Variants in TTC27 observed in about 807,000 individuals in gnomAD.
The protein encoded by TTC27 is tetratricopeptide repeat protein 27.
Under a neutral mutation model 115.9 loss-of-function variants are expected in TTC27, and 79 were observed. That is an observed-to-expected ratio of 0.68 (90% CI 0.57 to 0.82). The LOEUF is 0.82. TTC27 is among the 40% of genes least tolerant of loss of function. The pLI is 0.00. For synonymous variants in TTC27, 401 were observed against 356.0 expected (o/e 1.13, Z -1.42); for missense variants, 1,054 against 993.1 (o/e 1.06, Z -0.82).
At chr2:32,652,746 G>C (rs1665176562) in intron 5 of TTC27, among the ~76,000 whole-genome samples, 1 of 152,030 alleles carries the variant, frequency 6.6e-6, no homozygotes, top group African/African-American at 2.4e-5. Context: ...TTTTGTTCTG[G>C]GATTTGATCC....
At chr2:32,732,531 A>G (rs1483884312) in intron 10 of TTC27, among the ~76,000 whole-genome samples, 1 of 152,194 alleles carries the variant, frequency 6.6e-6, no homozygotes, top group East Asian at 1.9e-4. Context: ...GATTTTTACC[A>G]GGACATGGTA....
chr2:32,680,358 C>T lies in TTC27; in HGVS notation c.1119+1436C>T, dbSNP rs568060515. ...TAATATATACGGGTATTGTACTAGT[C>T]ATTGGGGATTTAGCAGTAAATAAAG... On this transcript the variant is annotated intron_variant, in intron 9 of 19. Coordinates refer to ENST00000317907, the MANE Select transcript of TTC27 (RefSeq NM_017735.5). 2.0e-5 allele frequency among the ~76,000 whole-genome samples: 3 copies of T among 152,198 alleles called. No homozygotes were observed. The East Asian group carries it at 5.8e-4, about 29-fold the overall frequency.
chr2:32,758,161 A>T, intron 12 of TTC27, 131 bp from the exon 13 acceptor site: 1 of 761,832 alleles, frequency 1.3e-6, no homozygotes, highest in Non-Finnish European at 2.1e-6. Context: ...TGTCCTTGAT[A>T]GGTCAAATAA....
intron 7 of TTC27, among the ~76,000 whole-genome samples, chr2:32,669,197 G>A (rs973598189): frequency 6.6e-6 from 1 of 152,162 alleles, no homozygotes; most frequent in Admixed American, 6.5e-5. Context: ...TCACCGTGTT[G>A]CCCAGGCTGG....
chr2:32,649,544 CA>C (rs1186013835), intron 4 of TTC27, among the ~76,000 whole-genome samples: 3 of 149,798 alleles, frequency 2.0e-5, no homozygotes, highest in Non-Finnish European at 1.5e-5. Flanking sequence ...ATGAATACAA[CA>C]TTTTTTTTTT....
Position 32,685,015 on chromosome 2 carries a change from CT to C in TTC27, c.1119+6115del, listed in dbSNP as rs70938361. Among the ~76,000 whole-genome samples the C allele has an allele frequency of 8.0e-3, 928 of 116,312 alleles. 3 individuals carry two copies. Among genetic ancestry groups the C allele is most frequent in the Middle Eastern group, 0.019 (4 of 210 alleles). The allele number at this position is 116,312 out of a possible 152,430, so 76.3% of individuals were successfully genotyped here. On this transcript the variant is annotated intron_variant, in intron 9 of 19. Transcript: ENST00000317907. Reference sequence around the variant, plus strand: ...ACTAATTGCTCTGCTTTGCCTTTTCCTTTTTTTTTTTTTTTTTTTTTTAATT... The same window carrying C: ...ACTAATTGCTCTGCTTTGCCTTTTCCTTTTTTTTTTTTTTTTTTTTTAATT...
chr2:32,768,909 G>A (rs1476460275), intron 13 of TTC27, among the ~76,000 whole-genome samples: 3 of 152,170 alleles, frequency 2.0e-5, no homozygotes, highest in Non-Finnish European at 2.9e-5. Context: ...TTAGGAGGAA[G>A]GGAAAATATC....
chr2:32,632,408 A>G (rs1176974975), intron 2 of TTC27, among the ~76,000 whole-genome samples: 1 of 152,150 alleles, frequency 6.6e-6, no homozygotes. Flanking sequence ...ATTCACTGAT[A>G]TACCAGATTT....
At chr2:32,701,004 CAACGAGAT>C (rs2151900107) in intron 9 of TTC27, among the ~76,000 whole-genome samples, 1 of 151,410 alleles carries the variant, frequency 6.6e-6, no homozygotes, top group Non-Finnish European at 1.5e-5. Flanking sequence ...TAATGGAGGC[CAACGAGAT>C]AAGGTTATGC....
chr2:32,633,933 C>T lies in TTC27; in HGVS notation c.324C>T (p.Asn108=), dbSNP rs539420286. Residue 108 remains asparagine (N), a synonymous_variant, in exon 3 of 20, where the codon AAC becomes AAT. Transcript: ENST00000317907. The part of the protein sequence containing the change: ...VSSLQLFVQS[N]WTGPPVDLHP... ...GTTTGCAACTTTTTGTTCAGAGCAA[C>T]TGGACGGGGCCCCCTGTTGACTTAC... is the stretch of plus-strand genomic sequence containing the variant. The T allele has an allele frequency of 6.2e-7, 1 of 1,614,028 alleles. No individual in the cohort carries two copies. The highest frequency in any genetic ancestry group is 8.5e-7 in the Non-Finnish European group (1 of 1,179,970).
intron 4 of TTC27, among the ~76,000 whole-genome samples, chr2:32,641,372 A>G (rs759157705): frequency 1.2e-4 from 19 of 152,188 alleles, no homozygotes; most frequent in Non-Finnish European, 2.2e-4. Context: ...AATGGACATG[A>G]CTGTCTTCCA....
intron 4 of TTC27, among the ~76,000 whole-genome samples, chr2:32,648,447 T>TC (rs1271196197): frequency 6.6e-6 from 1 of 150,642 alleles, no homozygotes; most frequent in East Asian, 1.9e-4. Flanking sequence ...TTTTTTTTTT[T>TC]TTTTTTTTTT....
At chr2:32,812,467 C>A in intron 17 of TTC27, 37 bp from the exon 18 acceptor site, 1 of 1,444,678 alleles carries the variant, frequency 6.9e-7, no homozygotes, top group South Asian at 1.2e-5. Context: ...GTGAATTCTA[C>A]TTGTTATTCT....
At chr2:32,782,044 A>C (rs557238731) in intron 14 of TTC27, among the ~76,000 whole-genome samples, 3 of 152,332 alleles carry the variant, frequency 2.0e-5, no homozygotes, top group South Asian at 2.1e-4. Flanking sequence ...AACAAAGAGA[A>C]ATAGATAATT....
At chr2:32,645,556 A>G (rs1365153912) in intron 4 of TTC27, among the ~76,000 whole-genome samples, 1 of 151,760 alleles carries the variant, frequency 6.6e-6, no homozygotes, top group African/African-American at 2.4e-5. Flanking sequence ...TTAAAATTGT[A>G]TTATTATTAT....
At chr2:32,719,782 G>A (rs1023783969) in intron 10 of TTC27, among the ~76,000 whole-genome samples, 1 of 152,062 alleles carries the variant, frequency 6.6e-6, no homozygotes, top group Non-Finnish European at 1.5e-5. Context: ...AGACATCCAG[G>A]GACAGAGGAT....
At chr2:32,664,560 T>C in intron 6 of TTC27, 93 bp downstream of exon 6, 1 of 1,101,432 alleles carries the variant, frequency 9.1e-7, no homozygotes. Flanking sequence ...TTAGATTTTC[T>C]ATATCCTATT....
intron 16 of TTC27, among the ~76,000 whole-genome samples, chr2:32,800,669 T>C (rs1299298735): frequency 6.6e-6 from 1 of 151,944 alleles, no homozygotes; most frequent in Non-Finnish European, 1.5e-5. Context: ...AGCTAATTTT[T>C]GTATTTTTTT....
intron 9 of TTC27, among the ~76,000 whole-genome samples, chr2:32,685,015 CTTT>C (rs70938361): frequency 5.2e-5 from 6 of 116,314 alleles, no homozygotes; most frequent in Admixed American, 3.0e-4. Context: ...TTGCCTTTTC[CTTT>C]TTTTTTTTTT....
Sources: gnomAD v4.1 joint callset for allele counts (sites outside exome capture counted in the v4.1 genomes callset) on GRCh38, gnomAD v4.1.1 for gene constraint, MANE v1.5 for transcripts, NCBI Gene and HGNC (gene_info 2026-07-23, HGNC 2026-07-21) for gene names.